FHIT: variants seen among roughly 807,000 people sequenced by gnomAD.
The protein encoded by FHIT is bis(5'-adenosyl)-triphosphatase.
Under a neutral mutation model 17.9 loss-of-function variants are expected in FHIT, and 19 were observed. The ratio of observed to expected loss-of-function variants is 1.06; its 90% CI spans 0.74 to 1.56. FHIT has a LOEUF of 1.56. Ranked by LOEUF, FHIT falls within the 40% of genes most tolerant of loss-of-function variation. The probability of loss-of-function intolerance (pLI) is 0.00; values close to 1 mark genes in which losing one functional copy is unlikely to be tolerated. For synonymous variants in FHIT, 81 were observed against 69.7 expected, an observed-to-expected ratio of 1.16 and a Z score of -0.81; for missense variants, 248 against 189.2, an observed-to-expected ratio of 1.31 and a Z score of -1.82.
At chr3:61,220,168 A>G (rs1367480081) in intron 1 of FHIT, among the ~76,000 whole-genome samples, 1 of 152,182 alleles carries the variant, frequency 6.6e-6, no homozygotes, top group South Asian at 2.1e-4. Context: ...TGCTACGTTC[A>G]GTGAGCTGTT....
At chr3:60,090,353 G>A (rs868530189) in intron 5 of FHIT, among the ~76,000 whole-genome samples, 25 of 152,118 alleles carry the variant, frequency 1.6e-4, no homozygotes, top group African/African-American at 5.8e-4. Context: ...TACAGCTTGG[G>A]AATACTAAAT....
chr3:59,834,704 C>A (rs1424458950), intron 8 of FHIT, among the ~76,000 whole-genome samples: 1 of 152,152 alleles, frequency 6.6e-6, no homozygotes, highest in Non-Finnish European at 1.5e-5. Context: ...ATGGCTTAAT[C>A]ACTTATCAAA....
At chr3:60,338,286 A>G (rs547509422) in intron 5 of FHIT, among the ~76,000 whole-genome samples, 1 of 152,208 alleles carries the variant, frequency 6.6e-6, no homozygotes, top group Non-Finnish European at 1.5e-5. Flanking sequence ...TAAAGCATAT[A>G]TACCTGATTT....
intron 1 of FHIT, among the ~76,000 whole-genome samples, chr3:61,246,092 A>T (rs2040481112): frequency 6.6e-6 from 1 of 152,216 alleles, no homozygotes; most frequent in South Asian, 2.1e-4. Flanking sequence ...CAGCGCCATG[A>T]CAGTTTAAAA....
chr3:60,929,025 G>A (rs1553770893), intron 3 of FHIT, among the ~76,000 whole-genome samples: 1 of 152,204 alleles, frequency 6.6e-6, no homozygotes, highest in African/African-American at 2.4e-5. Context: ...CCATGATCAA[G>A]TTGGCTTCAT....
At chr3:61,235,772 C>G (rs542627485) in intron 1 of FHIT, among the ~76,000 whole-genome samples, 5 of 152,070 alleles carry the variant, frequency 3.3e-5, no homozygotes, top group African/African-American at 1.2e-4. Context: ...ATTTACTTAG[C>G]GTTCCCTATG....
chr3:60,763,199 T>C (rs1553720493), intron 4 of FHIT, among the ~76,000 whole-genome samples: 1 of 152,198 alleles, frequency 6.6e-6, no homozygotes, highest in African/African-American at 2.4e-5. Context: ...AGTGCTGTGC[T>C]GTGTTAAGTT....
chr3:60,930,409 T>C (rs1553771384), intron 3 of FHIT, among the ~76,000 whole-genome samples: 1 of 152,126 alleles, frequency 6.6e-6, no homozygotes, highest in African/African-American at 2.4e-5. Context: ...CAAAAGAAAC[T>C]ACCATCAGAG....
intron 4 of FHIT, among the ~76,000 whole-genome samples, chr3:60,612,755 GA>G (rs1482491254): frequency 6.6e-6 from 1 of 152,114 alleles, no homozygotes; most frequent in Non-Finnish European, 1.5e-5. Context: ...AGAACTTTGA[GA>G]CTAGATAAAC....
intron 5 of FHIT, among the ~76,000 whole-genome samples, chr3:60,260,904 C>G (rs1482290648): frequency 6.6e-6 from 1 of 152,006 alleles, no homozygotes; most frequent in African/African-American, 2.4e-5. Flanking sequence ...CACACTCCCA[C>G]CAGCGCCATG....
intron 5 of FHIT, among the ~76,000 whole-genome samples, chr3:60,466,549 C>T (rs2734388): frequency 1.3e-5 from 2 of 151,646 alleles, no homozygotes; most frequent in African/African-American, 2.4e-5. Context: ...TATGTTCCTT[C>T]TATACACAGT....
chr3:59,991,030 C>T (rs926181875), intron 7 of FHIT, among the ~76,000 whole-genome samples: 2 of 152,120 alleles, frequency 1.3e-5, no homozygotes, highest in Admixed American at 6.6e-5. Flanking sequence ...AAACCTTAAA[C>T]ATCCAGATGA....
chr3:61,017,835 C>G (rs1575845452), intron 3 of FHIT, among the ~76,000 whole-genome samples: 1 of 152,124 alleles, frequency 6.6e-6, no homozygotes, highest in Non-Finnish European at 1.5e-5. Flanking sequence ...AATGGAACAG[C>G]TGTCTCACAC....
At chr3:61,050,489 A>C (rs543106399) in intron 2 of FHIT, among the ~76,000 whole-genome samples, 1 of 152,356 alleles carries the variant, frequency 6.6e-6, no homozygotes, top group Non-Finnish European at 1.5e-5. Flanking sequence ...GAAAATATTA[A>C]GGAATTATTA....
At chr3:60,302,985 G>A (rs1287292443) in intron 5 of FHIT, among the ~76,000 whole-genome samples, 1 of 152,110 alleles carries the variant, frequency 6.6e-6, no homozygotes, top group African/African-American at 2.4e-5. Context: ...TTTCTCCCCT[G>A]TTCGTCACAG....
intron 5 of FHIT, among the ~76,000 whole-genome samples, chr3:60,399,644 T>G (rs1701585403): frequency 6.6e-6 from 1 of 152,148 alleles, no homozygotes; most frequent in Admixed American, 6.5e-5. Flanking sequence ...TTACTTTTTC[T>G]AGGAAAATGA....
chr3:59,793,646 T>C (rs1259112123), intron 8 of FHIT, among the ~76,000 whole-genome samples: 1 of 152,142 alleles, frequency 6.6e-6, no homozygotes, highest in African/African-American at 2.4e-5. Flanking sequence ...CCGAAGACAA[T>C]GTAAGGAAAT....
intron 8 of FHIT, among the ~76,000 whole-genome samples, chr3:59,808,826 G>A (rs114902390): frequency 1.5e-4 from 23 of 152,276 alleles, no homozygotes; most frequent in African/African-American, 5.1e-4. Flanking sequence ...CTGCGGGGTA[G>A]AAACAATGTC....
At chr3:59,886,451 T>G (rs73100672) in intron 8 of FHIT, among the ~76,000 whole-genome samples, 16,374 of 152,242 alleles carry the variant, frequency 0.11, 1,230 homozygotes, top group African/African-American at 0.21. Context: ...TTATCTGGCT[T>G]ATAGTTCTGC....
Sources: allele counts gnomAD v4.1 joint callset (sites outside exome capture counted in the v4.1 genomes callset), GRCh38; gene constraint gnomAD v4.1.1; transcripts MANE v1.5; gene names NCBI Gene and HGNC (gene_info 2026-07-23, HGNC 2026-07-21).